Variants in UXS1 observed in about 807,000 individuals in gnomAD.
The protein encoded by UXS1 is UDP-glucuronic acid decarboxylase 1.
UXS1 carries 33 observed loss-of-function variants against 62.6 expected under a neutral mutation model. The observed-to-expected ratio is 0.53, with a 90% CI of 0.40 to 0.70. The LOEUF (loss-of-function observed/expected upper bound fraction) is 0.70. UXS1 is among the 30% of genes least tolerant of loss of function. The pLI is 0.00. For synonymous variants in UXS1, 213 were observed against 206.8 expected, an observed-to-expected ratio of 1.03 and a Z score of -0.26; for missense variants, 434 against 556.3, an observed-to-expected ratio of 0.78 and a Z score of 2.21.
intron 7 of UXS1, among the ~76,000 whole-genome samples, chr2:106,126,263 T>C (rs1679939616): frequency 2.0e-5 from 3 of 152,302 alleles, no homozygotes; most frequent in Admixed American, 6.5e-5. Flanking sequence ...CAGAACATCA[T>C]TATCTATGGT....
intron 9 of UXS1, among the ~76,000 whole-genome samples, chr2:106,113,151 AT>A (rs1157758835): frequency 6.6e-6 from 1 of 152,218 alleles, no homozygotes; most frequent in Non-Finnish European, 1.5e-5. Flanking sequence ...CACATAATAT[AT>A]TGTGCAAATT....
chr2:106,137,519 T>C (rs550758798), intron 6 of UXS1, among the ~76,000 whole-genome samples: 27 of 152,222 alleles, frequency 1.8e-4, no homozygotes, highest in African/African-American at 6.5e-4. Context: ...CCAGGCACAA[T>C]GGCTCACACC....
intron 5 of UXS1, among the ~76,000 whole-genome samples, chr2:106,147,805 C>T (rs541331739): frequency 6.6e-6 from 1 of 152,280 alleles, no homozygotes; most frequent in Non-Finnish European, 1.5e-5. Context: ...CCTGGGGCTG[C>T]AGTTACTCAT....
chr2:106,177,628 C>T (rs1016194926), intron 1 of UXS1, among the ~76,000 whole-genome samples: 2 of 152,198 alleles, frequency 1.3e-5, no homozygotes, highest in Admixed American at 1.3e-4. Context: ...CTTTTGAACA[C>T]CTTTTTTAAG....
intron 10 of UXS1, among the ~76,000 whole-genome samples, chr2:106,109,701 G>A (rs1024647287): frequency 6.6e-6 from 1 of 152,184 alleles, no homozygotes; most frequent in African/African-American, 2.4e-5. Flanking sequence ...TTTGATGTAT[G>A]ATGCACTTAA....
chr2:106,096,143 G>A (rs1041436771), intron 14 of UXS1, among the ~76,000 whole-genome samples: 49 of 152,174 alleles, frequency 3.2e-4, no homozygotes, highest in African/African-American at 1.2e-3. Context: ...GGCTCTGAGC[G>A]TGTGCTGCCA....
intron 1 of UXS1, among the ~76,000 whole-genome samples, chr2:106,177,407 G>C (rs1248045496): frequency 6.6e-6 from 1 of 152,024 alleles, no homozygotes. Context: ...TGTTGGCCAG[G>C]CTGGTCTTGA....
chr2:106,190,310 G>A (rs938332327), intron 1 of UXS1, among the ~76,000 whole-genome samples: 1 of 152,172 alleles, frequency 6.6e-6, no homozygotes, highest in Admixed American at 6.5e-5. Context: ...GGAGGGTGGA[G>A]AGCATGTACA....
At chr2:106,184,882 A>G (rs1389876400) in intron 1 of UXS1, among the ~76,000 whole-genome samples, 3 of 152,182 alleles carry the variant, frequency 2.0e-5, no homozygotes, top group Non-Finnish European at 4.4e-5. Context: ...AGACATGCAC[A>G]CCACAAAGCA....
intron 9 of UXS1, among the ~76,000 whole-genome samples, chr2:106,114,173 C>G (rs1317287483): frequency 6.6e-6 from 1 of 152,180 alleles, no homozygotes; most frequent in Non-Finnish European, 1.5e-5. Context: ...TAGGGTGTTC[C>G]ACAAACCCAG....
intron 13 of UXS1, 102 bp from the exon 14 acceptor site, chr2:106,096,923 T>G: frequency 1.8e-6 from 2 of 1,135,656 alleles, no homozygotes; most frequent in Non-Finnish European, 2.6e-6. Flanking sequence ...GTGGTGTGAA[T>G]AGGGTGCAGG....
chr2:106,109,310 C>T (rs1189730886), intron 10 of UXS1, among the ~76,000 whole-genome samples: 3 of 152,110 alleles, frequency 2.0e-5, no homozygotes, highest in Non-Finnish European at 4.4e-5. Context: ...CAAACGAAGG[C>T]CCAATGTAAG....
At chr2:106,105,483 G>A (rs1238471495) in intron 10 of UXS1, among the ~76,000 whole-genome samples, 1 of 152,140 alleles carries the variant, frequency 6.6e-6, no homozygotes, top group Non-Finnish European at 1.5e-5. Flanking sequence ...TCTGCCAGCT[G>A]AGACCGTCTT....
At chr2:106,175,482 A>C (rs1683821715) in intron 1 of UXS1, among the ~76,000 whole-genome samples, 1 of 152,232 alleles carries the variant, frequency 6.6e-6, no homozygotes. Context: ...GGGGGGACAG[A>C]AGTGTCTCTG....
At chr2:106,160,806 T>C (rs1229895790) in intron 4 of UXS1, among the ~76,000 whole-genome samples, 1 of 152,268 alleles carries the variant, frequency 6.6e-6, no homozygotes, top group Admixed American at 6.5e-5. Context: ...AAATGCAGCG[T>C]GCTGAAACCT....
chr2:106,191,047 G>GA (rs1244080438), intron 1 of UXS1, among the ~76,000 whole-genome samples: 2 of 151,722 alleles, frequency 1.3e-5, no homozygotes, highest in African/African-American at 2.4e-5. Flanking sequence ...ATTTCATTGA[G>GA]AAAAAAAAGC....
intron 1 of UXS1, among the ~76,000 whole-genome samples, chr2:106,183,262 C>G (rs1573586871): frequency 2.4e-5 from 3 of 124,270 alleles, no homozygotes; most frequent in African/African-American, 6.0e-5. Flanking sequence ...AAAAAAAAAG[C>G]AAGGTCACCC....
At chr2:106,159,600 T>C (rs990315984) in intron 4 of UXS1, among the ~76,000 whole-genome samples, 1 of 152,190 alleles carries the variant, frequency 6.6e-6, no homozygotes. Flanking sequence ...AGTTATTCAG[T>C]TAGGAACAAA....
chr2:106,150,998 T>C (rs766643454), intron 5 of UXS1, among the ~76,000 whole-genome samples: 17 of 152,206 alleles, frequency 1.1e-4, no homozygotes, highest in Non-Finnish European at 2.2e-4. Context: ...TTGGACTTAC[T>C]TGGGACCAGT....
Sources: allele counts gnomAD v4.1 joint callset (sites outside exome capture counted in the v4.1 genomes callset), GRCh38; gene constraint gnomAD v4.1.1; transcripts MANE v1.5; gene names NCBI Gene and HGNC (gene_info 2026-07-23, HGNC 2026-07-21).